PAGE2B: variants seen among roughly 807,000 people sequenced by gnomAD.
PAGE2B encodes the protein PAGE family member 2B.
Under a neutral mutation model 7.6 loss-of-function variants are expected in PAGE2B, and 5 were observed. The ratio of observed to expected loss-of-function variants is 0.66; its 90% CI spans 0.34 to 1.38. PAGE2B has a LOEUF of 1.38. Ranked by LOEUF, PAGE2B falls within the 40% of genes most tolerant of loss-of-function variation. The probability of loss-of-function intolerance (pLI) is 0.04; values close to 1 mark genes in which losing one functional copy is unlikely to be tolerated. For synonymous variants in PAGE2B, 29 were observed against 26.7 expected, an observed-to-expected ratio of 1.09 and a Z score of -0.27; for missense variants, 70 against 78.4, an observed-to-expected ratio of 0.89 and a Z score of 0.41.
the PAGE2B span, among the ~76,000 whole-genome samples, chrX:55,052,568 A>G: frequency 1.8e-5 from 2 of 112,540 alleles, no homozygotes; most frequent in Non-Finnish European, 3.8e-5. Flanking sequence ...TTGCTTTGCT[A>G]GCAATGAGCG....
the PAGE2B span, among the ~76,000 whole-genome samples, chrX:55,069,392 C>T: frequency 9.0e-6 from 1 of 111,617 alleles, no homozygotes; most frequent in Non-Finnish European, 1.9e-5. Context: ...ATGAAGCCAA[C>T]TTGATCGTGC....
chrX:55,077,357 C>G (rs755601281), intron 3 of PAGE2B, 42 bp from the exon 4 acceptor site: 2 of 1,202,512 alleles, frequency 1.7e-6, no homozygotes, highest in African/African-American at 3.5e-5. Flanking sequence ...GTTCATAGTT[C>G]ATGTTTTAAT....
the PAGE2B span, among the ~76,000 whole-genome samples, chrX:55,059,420 G>T: frequency 9.0e-6 from 1 of 111,530 alleles, no homozygotes; most frequent in Non-Finnish European, 1.9e-5. Flanking sequence ...TCCAATTACA[G>T]TCATATTCTG....
chrX:55,074,264 G>C (rs1265582257), upstream of PAGE2B, among the ~76,000 whole-genome samples: 2 of 111,681 alleles, frequency 1.8e-5, no homozygotes, highest in African/African-American at 6.5e-5. Flanking sequence ...TTTAGCACCT[G>C]ATCAAATGAT....
At chrX:55,032,711 G>A in the PAGE2B span, among the ~76,000 whole-genome samples, 1 of 111,956 alleles carries the variant, frequency 8.9e-6, no homozygotes, top group African/African-American at 3.2e-5. Context: ...GCTTCATCTG[G>A]ATTAATTTAT....
chrX:55,039,434 GGTA>G, the PAGE2B span, among the ~76,000 whole-genome samples: 1 of 109,516 alleles, frequency 9.1e-6, no homozygotes, highest in African/African-American at 3.3e-5. Context: ...AACAAAATGT[GGTA>G]TATACATACC....
At chrX:55,071,079 A>T (rs1936444060), upstream of PAGE2B, among the ~76,000 whole-genome samples, 1 of 111,966 alleles carries the variant, frequency 8.9e-6, no homozygotes, top group Non-Finnish European at 1.9e-5. Context: ...TGCCATTATT[A>T]TGCTAGCTAG....
At chrX:55,076,451 C>A (rs1569548351) in intron 2 of PAGE2B, 118 bp from the exon 3 acceptor site, 3 of 672,263 alleles carry the variant, frequency 4.5e-6, no homozygotes, top group Non-Finnish European at 6.6e-6. Context: ...TATGTATATA[C>A]ATATATATGT....
chrX:55,048,947 A>G, the PAGE2B span, among the ~76,000 whole-genome samples: 1 of 111,888 alleles, frequency 8.9e-6, no homozygotes, highest in Non-Finnish European at 1.9e-5. Context: ...TGGGTTTGTC[A>G]TAGATAGCTC....
chrX:55,032,356 A>G, the PAGE2B span, among the ~76,000 whole-genome samples: 2 of 112,238 alleles, frequency 1.8e-5, no homozygotes, highest in Non-Finnish European at 3.8e-5. Flanking sequence ...TAAAAATGGT[A>G]TATCAGTGTT....
chrX:55,046,613 G>A, the PAGE2B span, among the ~76,000 whole-genome samples: 2 of 112,432 alleles, frequency 1.8e-5, no homozygotes, highest in African/African-American at 6.5e-5. Flanking sequence ...ACAGAAAAGT[G>A]TGAACAGGTA....
At chrX:55,049,706 T>C in the PAGE2B span, among the ~76,000 whole-genome samples, 1 of 111,633 alleles carries the variant, frequency 9.0e-6, no homozygotes, top group Non-Finnish European at 1.9e-5. Context: ...TTTTCTTCTT[T>C]ATTAGTCTTG....
chrX:55,071,313 C>T (rs1019212237), upstream of PAGE2B, among the ~76,000 whole-genome samples: 11 of 110,808 alleles, frequency 9.9e-5, no homozygotes, highest in Non-Finnish European at 1.3e-4. Context: ...TATGAGGCTT[C>T]GTTTGGCTGG....
At chrX:55,029,609 C>T in the PAGE2B span, among the ~76,000 whole-genome samples, 1 of 111,592 alleles carries the variant, frequency 9.0e-6, no homozygotes, top group Non-Finnish European at 1.9e-5. Flanking sequence ...CTTTCCAGGT[C>T]ATATGCCATT....
the PAGE2B span, among the ~76,000 whole-genome samples, chrX:55,046,604 C>T: frequency 1.5e-4 from 17 of 112,275 alleles, no homozygotes. Context: ...AGGAAGCTTA[C>T]AGAAAAGTGT....
At chrX:55,051,517 C>CT in the PAGE2B span, among the ~76,000 whole-genome samples, 1 of 111,417 alleles carries the variant, frequency 9.0e-6, no homozygotes, top group South Asian at 3.8e-4. Context: ...TCTTTTTATT[C>CT]TTTTTTCTCT....
At chrX:55,062,836 A>T in the PAGE2B span, among the ~76,000 whole-genome samples, 2 of 111,853 alleles carry the variant, frequency 1.8e-5, no homozygotes, top group Non-Finnish European at 3.8e-5. Flanking sequence ...CAGTTTTCAC[A>T]GCACTATGTA....
chrX:55,041,138 G>A, the PAGE2B span, among the ~76,000 whole-genome samples: 1 of 98,547 alleles, frequency 1.0e-5, no homozygotes, highest in Non-Finnish European at 2.0e-5. Context: ...CTGGAGTGCA[G>A]TGGTGTGATC....
the PAGE2B span, among the ~76,000 whole-genome samples, chrX:55,035,659 A>G: frequency 1.8e-5 from 2 of 112,248 alleles, no homozygotes; most frequent in African/African-American, 6.5e-5. Flanking sequence ...CCCTCGAGCC[A>G]GATTAACTGG....
Sources: allele counts gnomAD v4.1 joint callset (sites outside exome capture counted in the v4.1 genomes callset), GRCh38; gene constraint gnomAD v4.1.1; transcripts MANE v1.5; gene names NCBI Gene and HGNC (gene_info 2026-07-23, HGNC 2026-07-21).